LNX2: variants seen among roughly 807,000 people sequenced by gnomAD.
The protein encoded by LNX2 is ligand of Numb protein X 2.
In LNX2, 35 loss-of-function variants were observed where a neutral mutation model predicts 66.2. The observed-to-expected ratio is 0.53, with a 90% CI of 0.40 to 0.70. The LOEUF is 0.70. Among genes scored for constraint, LNX2 ranks in the 30% least tolerant of loss-of-function variants. The pLI is 0.00. For missense variants in LNX2, 791 were observed against 850.8 expected, an observed-to-expected ratio of 0.93 and a Z score of 0.87; for synonymous variants, 337 against 315.6, an observed-to-expected ratio of 1.07 and a Z score of -0.72.
At position 27,572,688 on chromosome 13, in the gene LNX2, T is replaced by C. The variant is rs145632271; in HGVS notation, c.408-3412A>G. Among the ~76,000 whole-genome samples the C allele has an allele frequency of 3.6e-3, 554 of 152,322 alleles. 6 individuals are homozygous for C. The highest frequency in any genetic ancestry group is 6.0e-3 in the Non-Finnish European group (407 of 68,032). The stretch of plus-strand genomic sequence containing the variant: ...TTTGATTTATGCTACAGTGACATCA[T>C]TCCCTGATAACAACTGCATATGAGC... On this transcript the variant is annotated intron_variant, in intron 2 of 9. Coordinates refer to ENST00000316334, the MANE Select transcript of LNX2 (RefSeq NM_153371.4).
chr13:27,573,299 C>T lies in LNX2; in HGVS notation c.408-4023G>A, dbSNP rs1439463490. On this transcript the variant is annotated intron_variant, in intron 2 of 9. Coordinates refer to ENST00000316334, the MANE Select transcript of LNX2 (RefSeq NM_153371.4). ...ATTAACTGACCTGTCTATGGTTCCC[C>T]TCTTGTGTGCTTGTCTTTTTTCTTC... Among the ~76,000 whole-genome samples the T allele has an allele frequency of 3.3e-5, 5 of 152,264 alleles. No homozygotes were observed. The East Asian group carries it at 9.7e-4, about 29-fold the overall frequency.
At chr13:27,576,454 C>T (rs1435143321) in intron 2 of LNX2, among the ~76,000 whole-genome samples, 1 of 152,004 alleles carries the variant, frequency 6.6e-6, no homozygotes, top group African/African-American at 2.4e-5. Context: ...TGGTGGCTCA[C>T]GCCTGTAATC....
intron 2 of LNX2, among the ~76,000 whole-genome samples, 155 bp downstream of exon 2, chr13:27,581,142 G>A (rs1479599691): frequency 6.6e-6 from 1 of 152,148 alleles, no homozygotes; most frequent in African/African-American, 2.4e-5. Context: ...GTTAAATACT[G>A]TTCCATACAA....
chr13:27,603,033 T>C (rs1168142811), intron 1 of LNX2, among the ~76,000 whole-genome samples: 1 of 152,174 alleles, frequency 6.6e-6, no homozygotes, highest in Non-Finnish European at 1.5e-5. Context: ...AGAAGTCACA[T>C]GATTTAAACT....
intron 2 of LNX2, among the ~76,000 whole-genome samples, chr13:27,573,178 A>G (rs1955302967): frequency 6.6e-6 from 1 of 152,188 alleles, no homozygotes; most frequent in South Asian, 2.1e-4. Flanking sequence ...AATATTGGAA[A>G]AGCAACAGCC....
At position 27,593,400 on chromosome 13, in the gene LNX2, T is replaced by C. The variant is rs530382418; in HGVS notation, c.-100-11597A>G. 9.2e-5 allele frequency among the ~76,000 whole-genome samples: 14 copies of C among 152,252 alleles called. 1 individual carries two copies. The highest frequency in any genetic ancestry group is 3.1e-4 in the African/African-American group (13 of 41,554). On this transcript the variant is annotated intron_variant, in intron 1 of 9. Coordinates refer to ENST00000316334, the MANE Select transcript of LNX2 (RefSeq NM_153371.4). ...ATACCATGCTGCAGTTGTCAACTCC[T>C]TACCTAAAAGGGCTTCTACCTCCAT...
At chr13:27,566,082 T>G (rs1200651777) in intron 4 of LNX2, among the ~76,000 whole-genome samples, 1 of 152,180 alleles carries the variant, frequency 6.6e-6, no homozygotes, top group Middle Eastern at 3.2e-3. Context: ...ACCATTAGGG[T>G]GGTTGCAATT....
chr13:27,567,642 G>C lies in LNX2; in HGVS notation c.853C>G (p.Gln285Glu), dbSNP rs753746214. The C allele has an allele frequency of 6.8e-6, 11 of 1,613,166 alleles. No homozygotes were observed. The highest frequency in any genetic ancestry group is 8.5e-7 in the Non-Finnish European group (1 of 1,179,272). The stretch of plus-strand genomic sequence containing the variant: ...AACAGAATAATTAAAACTGATACCT[G>C]AAGAATCTGGTCTCCAGCAAGAAGT... ...GRLLAGDQIL[Q>E]VNNYNISNVS... is the part of the protein sequence containing the mutation. Residue 285 changes from glutamine to glutamate, a missense_variant and splice_region_variant, in exon 4 of 10, where the codon CAG (glutamine) becomes GAG (glutamate). Coordinates refer to ENST00000316334, the MANE Select transcript of LNX2 (RefSeq NM_153371.4).
Position 27,553,198 on chromosome 13 carries a change from C to A in LNX2, c.1778+10G>T. On this transcript the variant is annotated intron_variant, in intron 8 of 9. Transcript: ENST00000316334. ...TGATTTCCATAAAGCAACAAGAAAG[C>A]GCTCAGTACCTGGGAAGCCCAAGCC... is the stretch of plus-strand genomic sequence containing the variant. 6.2e-7 allele frequency: 1 copy of A among 1,608,374 alleles called. No individual in the cohort carries two copies. Among genetic ancestry groups the A allele is most frequent in the South Asian group, 1.1e-5 (1 of 90,968 alleles).
At chr13:27,616,187 T>TGG (rs58265063) in intron 1 of LNX2, among the ~76,000 whole-genome samples, 5,444 of 90,202 alleles carry the variant, frequency 0.06, 128 homozygotes, top group Non-Finnish European at 0.085. Flanking sequence ...GGTGGGGGGT[T>TGG]GGGGGGGGTA....
chr13:27,573,528 G>C (rs1955308074), intron 2 of LNX2, among the ~76,000 whole-genome samples: 1 of 152,070 alleles, frequency 6.6e-6, no homozygotes, highest in South Asian at 2.1e-4. Flanking sequence ...TGTTTACAAG[G>C]AAGAGCCAGG....
chr13:27,572,292 T>TGGTTTATTCAGGCAGGTGACTC (rs1239806151), intron 2 of LNX2, among the ~76,000 whole-genome samples: 1 of 152,146 alleles, frequency 6.6e-6, no homozygotes, highest in Non-Finnish European at 1.5e-5. Context: ...GGAGGTGACT[T>TGGTTTATTCAGGCAGGTGACTC]GGTTTATTCA....
chr13:27,584,826 A>C (rs1955464470), intron 1 of LNX2, among the ~76,000 whole-genome samples: 1 of 152,244 alleles, frequency 6.6e-6, no homozygotes, highest in East Asian at 1.9e-4. Flanking sequence ...TAATAAAATA[A>C]TACCAGCAAG....
chr13:27,564,358 G>T (rs1955178145), intron 4 of LNX2, among the ~76,000 whole-genome samples: 1 of 120,580 alleles, frequency 8.3e-6, no homozygotes, highest in Admixed American at 7.9e-5. Flanking sequence ...TCATTTTTGA[G>T]CTAAATGTAT....
At position 27,548,244 on chromosome 13, in the gene LNX2, G is replaced by T; in HGVS notation, c.*91C>A. 1 of 1,293,250 alleles carries T rather than the reference G, an allele frequency of 7.7e-7. No individual in the cohort carries two copies. The highest frequency in any genetic ancestry group is 1.5e-5 in the African/African-American group (1 of 68,026). The allele number at this position is 1,293,250 out of a possible 1,614,324, so 80.1% of individuals were successfully genotyped here. On this transcript the variant is annotated 3_prime_UTR_variant, in exon 10 of 10. Coordinates refer to ENST00000316334, the MANE Select transcript of LNX2 (RefSeq NM_153371.4). ...CCTGTGTATACCAGCAGTGTCAGCAGCTCCTAAACCACAAACACAATGAAA... is the reference window on the plus strand; with the variant it reads ...CCTGTGTATACCAGCAGTGTCAGCATCTCCTAAACCACAAACACAATGAAA...
In LNX2 at chr13:27,581,562, G is replaced by A; in HGVS notation, c.142C>T (p.Leu48=). 2 of 1,614,200 alleles carry A rather than the reference G, an allele frequency of 1.2e-6. No homozygotes were observed. The highest frequency in any genetic ancestry group is 2.2e-5 in the East Asian group (1 of 44,882). The change falls in exon 2 of 10, where the codon CTA becomes TTA. Residue 48 remains leucine, a synonymous_variant. Transcript: ENST00000316334. ...GGTTGAAGGCAAATATGGCAGACTA[G>A]GTCATCATCCACTTCATTCTGGTAA... ...YNYQNEVDDD[L]VCHICLQPLL... is the part of the protein sequence containing the mutation.
Position 27,567,748 on chromosome 13 carries a change from A to G in LNX2, c.747T>C (p.Ile249=), listed in dbSNP as rs199703346. The change falls in exon 4 of 10, where the codon ATT becomes ATC. Residue 249 remains isoleucine (I), a synonymous_variant. Coordinates refer to ENST00000316334, the MANE Select transcript of LNX2 (RefSeq NM_153371.4). ...SNPYIQLGIS[I]VGGNETPLIN... ...TCAAAGGTGTTTCGTTGCCACCCAC[A>G]ATGCTGATTCCTAACTGAATGTAAG... 3 of 1,613,800 alleles carry G rather than the reference A, an allele frequency of 1.9e-6. No homozygotes were observed. Among genetic ancestry groups the G allele is most frequent in the Admixed American group, 1.7e-5 (1 of 59,958 alleles).
At chr13:27,581,202 T>C in intron 2 of LNX2, 95 bp downstream of exon 2, 2 of 933,170 alleles carry the variant, frequency 2.1e-6, no homozygotes, top group Non-Finnish European at 1.5e-6. Flanking sequence ...TACTTACTAG[T>C]GCTCTGGTTT....
chr13:27,580,768 C>T (rs995266812), intron 2 of LNX2, among the ~76,000 whole-genome samples: 2 of 152,098 alleles, frequency 1.3e-5, no homozygotes, highest in Non-Finnish European at 1.5e-5. Flanking sequence ...ACAAAATTAT[C>T]GTTTTTATTG....
Sources: allele counts gnomAD v4.1 joint callset (sites outside exome capture counted in the v4.1 genomes callset), GRCh38; gene constraint gnomAD v4.1.1; transcripts MANE v1.5; gene names NCBI Gene and HGNC (gene_info 2026-07-23, HGNC 2026-07-21).